PLIN2: variants seen among roughly 807,000 people sequenced by gnomAD.
PLIN2 encodes the protein perilipin-2.
Under a neutral mutation model 30.6 loss-of-function variants are expected in PLIN2, and 33 were observed. That is an observed-to-expected ratio of 1.08 (90% CI 0.82 to 1.44). PLIN2 has a LOEUF of 1.44. Among genes scored for constraint, PLIN2 ranks in the 40% most tolerant of loss-of-function variants. The probability of loss-of-function intolerance (pLI) is 0.00; values close to 1 mark genes in which losing one functional copy is unlikely to be tolerated. For missense variants in PLIN2, 610 were observed against 531.8 expected (o/e 1.15, Z -1.45); for synonymous variants, 205 against 201.1 (o/e 1.02, Z -0.16).
In PLIN2 at chr9:19,116,454, G is replaced by A; in HGVS notation, c.1108C>T (p.Leu370Phe). The A allele has an allele frequency of 6.2e-7, 1 of 1,614,140 alleles. No individual in the cohort carries two copies. The highest frequency in any genetic ancestry group is 1.3e-5 in the African/African-American group (1 of 75,050). The change falls in exon 8 of 8, where the codon CTC becomes TTC. Residue 370 changes from leucine to phenylalanine, a missense_variant. Coordinates refer to ENST00000276914, the MANE Select transcript of PLIN2 (RefSeq NM_001122.4). Reference protein sequence around the residue: ...AASFKEVSDSLLTSSKGQLQK... With the variant: ...AASFKEVSDSFLTSSKGQLQK... ...AGCTGCCCCTTGCTAGAAGTGAGGA[G>A]GCTGTCAGACACTTCTTTAAAGGAG...
rs59357707 is a variant in PLIN2 at position 19,122,108 on chromosome 9, C to CAAAAAAA, written c.310-950_310-944dup. On this transcript the variant is annotated intron_variant, in intron 4 of 7. Coordinates refer to ENST00000276914, the MANE Select transcript of PLIN2 (RefSeq NM_001122.4). ...TGGGTGACAGAGCAAGACTCTGTCT[C>CAAAAAAA]AAAAAAAAAAAAAAAAAAAAAAAAA... Among the ~76,000 whole-genome samples the CAAAAAAA allele has an allele frequency of 4.7e-5, 3 of 63,352 alleles. No individual in the cohort carries two copies. In the Admixed American group the frequency reaches 7.1e-4, roughly 15 times the overall value. 41.6% of individuals were successfully genotyped at this position (63,352 alleles called of 152,430 possible).
In PLIN2 at chr9:19,116,342, G is replaced by C; in HGVS notation, c.1220C>G (p.Pro407Arg). ...PLNWLVGPFY[P>R]QLTESQNAQD... ...AGCATTCTGAGACTCAGTCAGCTGA[G>C]GATAAAAGGGACCTACCAGCCAGTT... The change falls in exon 8 of 8, where the codon CCT becomes CGT. Residue 407 changes from proline to arginine, a missense_variant. Coordinates refer to ENST00000276914, the MANE Select transcript of PLIN2 (RefSeq NM_001122.4). 1 of 1,614,104 alleles carries C rather than the reference G, an allele frequency of 6.2e-7. No homozygotes were observed. Among genetic ancestry groups the C allele is most frequent in the Non-Finnish European group, 8.5e-7 (1 of 1,180,018 alleles).
At position 19,121,154 on chromosome 9, in the gene PLIN2, A is replaced by T. The variant is rs1818309729; in HGVS notation, c.321T>A (p.Asn107Lys). The change falls in exon 5 of 8, where the codon AAT becomes AAA. Residue 107 changes from asparagine (N) to lysine (K), a missense_variant. Coordinates refer to ENST00000276914, the MANE Select transcript of PLIN2 (RefSeq NM_001122.4). ...LNQPSTQIVANAKGAVTGAKD... is the reference protein window; with the variant it reads ...LNQPSTQIVAKAKGAVTGAKD... Reference sequence around the variant, plus strand: ...TTGCCCCAGTCACAGCGCCTTTGGCATTGGCAACAATCTGTAAGTAGAAAA... The same window carrying T: ...TTGCCCCAGTCACAGCGCCTTTGGCTTTGGCAACAATCTGTAAGTAGAAAA... 1.2e-6 allele frequency: 2 copies of T among 1,613,898 alleles called. No individual in the cohort carries two copies. The highest frequency in any genetic ancestry group is 1.3e-5 in the African/African-American group (1 of 75,058).
chr9:19,108,813 G>A (rs2131170566), intron 2 of PLIN2: 1 of 152,596 alleles, frequency 6.6e-6, no homozygotes, highest in East Asian at 1.9e-4. Context: ...GTCCATCTGA[G>A]CTCATGGAGA....
At chr9:19,122,671 T>C (rs1221895467) in intron 4 of PLIN2, among the ~76,000 whole-genome samples, 1 of 152,032 alleles carries the variant, frequency 6.6e-6, no homozygotes, top group Non-Finnish European at 1.5e-5. Flanking sequence ...CCCCGGGCCA[T>C]GGACCATTAC....
At chr9:19,117,239 C>A (rs187814466) in intron 7 of PLIN2, among the ~76,000 whole-genome samples, 98 of 152,100 alleles carry the variant, frequency 6.4e-4, no homozygotes, top group African/African-American at 2.3e-3. Flanking sequence ...TGGCTCACTG[C>A]GGACCCGACC....
Position 19,116,377 on chromosome 9 carries a change from G to C in PLIN2, c.1185C>G (p.Asn395Lys). 16 of 1,614,210 alleles carry C rather than the reference G, an allele frequency of 9.9e-6. No homozygotes were observed. Among genetic ancestry groups the C allele is most frequent in the Non-Finnish European group, 1.4e-5 (16 of 1,180,044 alleles). The change falls in exon 8 of 8, where the codon AAC (asparagine) becomes AAG (lysine). Residue 395 changes from asparagine (N) to lysine (K), a missense_variant. By Grantham distance (94) the Asn-to-Lys change is moderately conservative. Transcript: ENST00000276914. ...LDDVMDYLVN[N>K]TPLNWLVGPF... ...GACCTACCAGCCAGTTGAGGGGCGT[G>C]TTGTTAACAAGATAATCCATCACGT... is the stretch of plus-strand genomic sequence containing the variant.
rs577651170 is a variant in PLIN2 at position 19,126,673 on chromosome 9, A to C, written c.-22-225T>G. ...AGGCAAAGTTTCAGAGCTTATGTGTAAACTTGCAATACTCAGGAGGGAGAA... is the reference window on the plus strand; with the variant it reads ...AGGCAAAGTTTCAGAGCTTATGTGTCAACTTGCAATACTCAGGAGGGAGAA... On this transcript the variant is annotated intron_variant, in intron 1 of 7. Transcript: ENST00000276914. Among the ~76,000 whole-genome samples, 71 of 152,324 alleles carry C rather than the reference A, an allele frequency of 4.7e-4. 3 individuals carry two copies. In the South Asian group the frequency reaches 0.014, roughly 30 times the overall value.
In PLIN2 at chr9:19,116,529, G is replaced by T. The variant is rs757022919; in HGVS notation, c.1033C>A (p.His345Asn). 2 of 1,614,050 alleles carry T rather than the reference G, an allele frequency of 1.2e-6. No homozygotes were observed. Among genetic ancestry groups the T allele is most frequent in the Admixed American group, 1.7e-5 (1 of 59,986 alleles). ...ATGTCGCCTGCCATCACCCCCATGT[G>T]CTTGGCTTGATCTTGGATGTTCTGT... Reference protein sequence around the residue: ...VPQNIQDQAKHMGVMAGDIYS... With the variant: ...VPQNIQDQAKNMGVMAGDIYS... The change falls in exon 8 of 8, where the codon CAC becomes AAC. Residue 345 changes from histidine to asparagine, a missense_variant. His to Asn is a moderately conservative substitution (Grantham distance 68, BLOSUM62 1). Transcript: ENST00000276914.
chr9:19,122,348 C>T (rs1184512887), intron 4 of PLIN2, among the ~76,000 whole-genome samples: 1 of 152,032 alleles, frequency 6.6e-6, no homozygotes, highest in African/African-American at 2.4e-5. Flanking sequence ...TTATAATGAA[C>T]TGCCCTATAA....
At chr9:19,116,763 A>C in intron 7 of PLIN2, 114 bp from the exon 8 acceptor site, 1 of 812,992 alleles carries the variant, frequency 1.2e-6, no homozygotes, top group Non-Finnish European at 2.0e-6. Flanking sequence ...TGGCTTTTAA[A>C]AATCCTCATT....
At chr9:19,124,437 A>G (rs550771893) in intron 3 of PLIN2, among the ~76,000 whole-genome samples, 1 of 152,278 alleles carries the variant, frequency 6.6e-6, no homozygotes, top group South Asian at 2.1e-4. Flanking sequence ...TTTTAGTGTG[A>G]GCTTCCCACT....
chr9:19,126,152 G>A lies in PLIN2; in HGVS notation c.188C>T (p.Thr63Ile). The A allele has an allele frequency of 6.2e-7, 1 of 1,614,132 alleles. No individual in the cohort carries two copies. The highest frequency in any genetic ancestry group is 8.5e-7 in the Non-Finnish European group (1 of 1,180,024). The change falls in exon 3 of 8, where the codon ACC becomes ATC. Residue 63 changes from threonine (T) to isoleucine (I), a missense_variant. Coordinates refer to ENST00000276914, the MANE Select transcript of PLIN2 (RefSeq NM_001122.4). ...CTTCTGGATGATGGGCAGAGCACTG[G>A]TCATGGCCACGGAGGTGATGGTCTT... Reference protein sequence around the residue: ...GVKTITSVAMTSALPIIQKLE... With the variant: ...GVKTITSVAMISALPIIQKLE...
intron 5 of PLIN2, among the ~76,000 whole-genome samples, chr9:19,120,178 C>T (rs1818292687): frequency 6.6e-6 from 1 of 151,998 alleles, no homozygotes; most frequent in African/African-American, 2.4e-5. Flanking sequence ...CTCACCTCAG[C>T]CTCCCGAGTA....
chr9:19,123,627 C>A lies in PLIN2; in HGVS notation c.247G>T (p.Ala83Ser). The A allele has an allele frequency of 1.2e-6, 2 of 1,613,874 alleles. No individual in the cohort carries two copies. The highest frequency in any genetic ancestry group is 1.7e-6 in the Non-Finnish European group (2 of 1,179,778). The change falls in exon 4 of 8, where the codon GCC becomes TCC. Residue 83 changes from alanine to serine, a missense_variant. By Grantham distance (99) the Ala-to-Ser change is moderately conservative (BLOSUM62 1). Transcript: ENST00000276914. ...TCAATCCTGTCTAGCCCCTTACAGG[C>A]ATAGGTATTGGCAACTGCAACTAGA... is the stretch of plus-strand genomic sequence containing the variant. ...EPQIAVANTY[A>S]CKGLDRIEER...
At chr9:19,123,210 A>T (rs1818345743) in intron 4 of PLIN2, 1 of 732,560 alleles carries the variant, frequency 1.4e-6, no homozygotes, top group Admixed American at 2.8e-5. Flanking sequence ...TCCTGGCAGC[A>T]TTGTACAAGC....
At chr9:19,113,055 ATGTG>A (rs1818177676), downstream of PLIN2, among the ~76,000 whole-genome samples, 1 of 152,016 alleles carries the variant, frequency 6.6e-6, no homozygotes, top group Admixed American at 6.6e-5. Context: ...ATAAGAAAGC[ATGTG>A]TGGCCAGGCG....
chr9:19,123,302 T>G (rs776704829), intron 4 of PLIN2: 326 of 1,489,788 alleles, frequency 2.2e-4, no homozygotes, highest in Non-Finnish European at 2.9e-4. Flanking sequence ...AGCAATTTCA[T>G]TTATAGGAGC....
At position 19,116,562 on chromosome 9, in the gene PLIN2, CT is replaced by C. The variant is rs779054258; in HGVS notation, c.999del (p.Gly334ValfsTer15). ...TTCHTLLSNI[Q>X]GVPQNIQDQA... ...TGATCTTGGATGTTCTGTGGTACACCTTGGATGTTGGACAGGAGGGTGTGGC... is the reference window on the plus strand; with the variant it reads ...TGATCTTGGATGTTCTGTGGTACACCTGGATGTTGGACAGGAGGGTGTGGC... On this transcript the variant is annotated frameshift_variant, in exon 8 of 8. Transcript: ENST00000276914. LOFTEE classifies it low-confidence loss of function (END_TRUNC). 1.2e-6 allele frequency: 2 copies of C among 1,614,144 alleles called. No homozygotes were observed. The highest frequency in any genetic ancestry group is 2.2e-5 in the South Asian group (2 of 91,086).
Sources: allele counts gnomAD v4.1 joint callset (sites outside exome capture counted in the v4.1 genomes callset), GRCh38; gene constraint gnomAD v4.1.1; transcripts MANE v1.5; gene names NCBI Gene and HGNC (gene_info 2026-07-23, HGNC 2026-07-21).